Variants in SECISBP2 observed in about 807,000 individuals in gnomAD.
SECISBP2 encodes the protein SECIS binding protein 2.
SECISBP2 carries 96 observed loss-of-function variants against 98.2 expected under a neutral mutation model. The observed-to-expected ratio is 0.98, with a 90% CI of 0.83 to 1.16. SECISBP2 has a LOEUF of 1.16. SECISBP2 is among the 50% of genes most tolerant of loss of function. The probability of loss-of-function intolerance (pLI) is 0.00; values close to 1 mark genes in which losing one functional copy is unlikely to be tolerated. For missense variants in SECISBP2, 1,046 were observed against 1,022.9 expected (o/e 1.02, Z -0.31); for synonymous variants, 407 against 370.2 (o/e 1.10, Z -1.14).
At chr9:89,366,296 T>G in the SECISBP2 span, among the ~76,000 whole-genome samples, 1 of 152,234 alleles carries the variant, frequency 6.6e-6, no homozygotes, top group African/African-American at 2.4e-5. Flanking sequence ...TGGGATTGTT[T>G]AAATTTTTTC....
intron 8 of SECISBP2, 106 bp from the exon 9 acceptor site, chr9:89,339,758 C>G (rs1367598550): frequency 3.8e-6 from 3 of 782,222 alleles, no homozygotes; most frequent in Non-Finnish European, 6.6e-6. Context: ...TTTTTTAAAT[C>G]ACTTTTAAGG....
At chr9:89,360,118 C>A (rs1832653781), downstream of SECISBP2, among the ~76,000 whole-genome samples, 1 of 152,192 alleles carries the variant, frequency 6.6e-6, no homozygotes, top group South Asian at 2.1e-4. Context: ...GTGGAGCTCA[C>A]AGTGACCAGT....
chr9:89,340,203 G>T (rs187057786), intron 9 of SECISBP2, among the ~76,000 whole-genome samples: 6 of 152,286 alleles, frequency 3.9e-5, no homozygotes, highest in African/African-American at 1.4e-4. Context: ...GGTAACTGCA[G>T]TTGCTAAGTT....
In SECISBP2 at chr9:89,349,925, A is replaced by C. The variant is rs774118082; in HGVS notation, c.1888A>C (p.Arg630=). Residue 630 remains arginine (R), a synonymous_variant, in exon 13 of 17, where the codon AGG becomes CGG. Transcript: ENST00000375807. ...CCCTAAGATCCACAGCCGCAGATTCAGGGAGTGAGTGAGCCCCTGCCTGCC... is the reference window on the plus strand; with the variant it reads ...CCCTAAGATCCACAGCCGCAGATTCCGGGAGTGAGTGAGCCCCTGCCTGCC... ...TFPKIHSRRF[R]DYCSQMLSKE... 2 of 1,614,096 alleles carry C rather than the reference A, an allele frequency of 1.2e-6. No individual in the cohort carries two copies. The highest frequency in any genetic ancestry group is 3.3e-5 in the Admixed American group (2 of 60,020).
Position 89,346,953 on chromosome 9 carries a change from A to G in SECISBP2, c.1507A>G (p.Thr503Ala). The G allele has an allele frequency of 6.2e-7, 1 of 1,614,016 alleles. No individual in the cohort carries two copies. The highest frequency in any genetic ancestry group is 8.5e-7 in the Non-Finnish European group (1 of 1,179,996). The change falls in exon 11 of 17, where the codon ACC becomes GCC. Residue 503 changes from threonine to alanine, a missense_variant. By Grantham distance (58) the Thr-to-Ala change is moderately conservative (BLOSUM62 0). Coordinates refer to ENST00000375807, the MANE Select transcript of SECISBP2 (RefSeq NM_024077.5). ...AGGCCGCCGCATGAGTCAAATGAAG[A>G]CCCCGCACAATCCCTTGGACTCCAG... ...ERGRRMSQMKTPHNPLDSSAP... is the reference protein window; with the variant it reads ...ERGRRMSQMKAPHNPLDSSAP...
In SECISBP2 at chr9:89,318,506, G is replaced by T. The variant is rs1349412024; in HGVS notation, c.-71G>T. 1.4e-6 allele frequency: 2 copies of T among 1,466,580 alleles called. No individual in the cohort carries two copies. Among genetic ancestry groups the T allele is most frequent in the Non-Finnish European group, 1.8e-6 (2 of 1,093,274 alleles). 90.8% of individuals were successfully genotyped at this position (1,466,580 alleles called of 1,614,324 possible). Reference sequence around the variant, plus strand: ...TGGCGTCGCCTGCGGGGGCGGAAACGCTTTGTCTGTCCGGCAAGCCGACGG... The same window carrying T: ...TGGCGTCGCCTGCGGGGGCGGAAACTCTTTGTCTGTCCGGCAAGCCGACGG... On this transcript the variant is annotated 5_prime_UTR_variant, in exon 1 of 17. Coordinates refer to ENST00000375807, the MANE Select transcript of SECISBP2 (RefSeq NM_024077.5).
At chr9:89,352,767 A>T in intron 14 of SECISBP2, among the ~76,000 whole-genome samples, 1 of 149,850 alleles carries the variant, frequency 6.7e-6, no homozygotes, top group Non-Finnish European at 1.5e-5. Context: ...TATCTTGTAA[A>T]ATTTCTGTAT....
chr9:89,338,577 T>C lies in SECISBP2; in HGVS notation c.1209T>C (p.Ile403=). ...EVLTVQEPPR[I]EDAEEFPNLA... ...TGACAGTTCAAGAGCCTCCAAGGAT[T>C]GAAGTACATTTATATTTTTTATTCA... Residue 403 remains isoleucine (I), a synonymous_variant, in exon 8 of 17, where the codon ATT becomes ATC. Coordinates refer to ENST00000375807, the MANE Select transcript of SECISBP2 (RefSeq NM_024077.5). The C allele has an allele frequency of 1.2e-6, 2 of 1,611,706 alleles. No individual in the cohort carries two copies. Among genetic ancestry groups the C allele is most frequent in the South Asian group, 2.2e-5 (2 of 90,530 alleles).
At chr9:89,334,249 A>G (rs1828250023) in intron 6 of SECISBP2, 1 of 1,153,682 alleles carries the variant, frequency 8.7e-7, no homozygotes, top group Non-Finnish European at 1.1e-6. Context: ...AACTAAAACT[A>G]CTGTTTGTCT....
chr9:89,318,733 C>A (rs1825139205), intron 1 of SECISBP2, 121 bp downstream of exon 1: 4 of 1,235,236 alleles, frequency 3.2e-6, no homozygotes, highest in Non-Finnish European at 4.2e-6. Flanking sequence ...GGTGACGGCA[C>A]GGGAGCGCCC....
chr9:89,318,985 G>T, intron 1 of SECISBP2: 3 of 1,071,818 alleles, frequency 2.8e-6, no homozygotes, highest in Non-Finnish European at 3.4e-6. Context: ...GTCATTCTCC[G>T]CTCTACGTAC....
intron 9 of SECISBP2, 59 bp downstream of exon 9, chr9:89,340,012 A>G (rs1031353941): frequency 8.0e-7 from 1 of 1,250,360 alleles, no homozygotes; most frequent in Non-Finnish European, 1.2e-6. Context: ...GCTCAACTAA[A>G]TGCTTGAGAA....
chr9:89,336,078 G>A (rs1239950552), intron 7 of SECISBP2, among the ~76,000 whole-genome samples: 4 of 65,796 alleles, frequency 6.1e-5, no homozygotes, highest in South Asian at 9.7e-4. Context: ...GTAATTTTAA[G>A]TGCTTTTTTT....
downstream of SECISBP2, chr9:89,364,067 A>T: frequency 1.3e-6 from 2 of 1,590,476 alleles, no homozygotes; most frequent in South Asian, 2.3e-5. Flanking sequence ...GTGACTTGGG[A>T]CAACTTCCAA....
intron 14 of SECISBP2, chr9:89,355,124 G>T (rs984432062): frequency 1.0e-6 from 1 of 985,344 alleles, no homozygotes; most frequent in African/African-American, 1.7e-5. Flanking sequence ...TGCAGAATGA[G>T]TTCCCAGTTT....
chr9:89,357,432 A>T lies in SECISBP2; in HGVS notation c.2135A>T (p.His712Leu), dbSNP rs1475255470. The T allele has an allele frequency of 6.2e-7, 1 of 1,614,182 alleles. No individual in the cohort carries two copies. ...QSKGGLDDTL[H>L]TIIDYACEQN... ...CCAGGTGGGCTGGATGACACTTTGC[A>T]CACAATTATTGATTATGCCTGTGAG... The change falls in exon 15 of 17, where the codon CAC becomes CTC. Residue 712 changes from histidine (H) to leucine (L), a missense_variant. Coordinates refer to ENST00000375807, the MANE Select transcript of SECISBP2 (RefSeq NM_024077.5).
At chr9:89,320,083 G>A (rs1413655386) in intron 2 of SECISBP2, among the ~76,000 whole-genome samples, 1 of 152,086 alleles carries the variant, frequency 6.6e-6, no homozygotes, top group East Asian at 1.9e-4. Flanking sequence ...CAGGCCAGGC[G>A]CTGTGGCTCA....
chr9:89,325,643 C>T lies in SECISBP2; in HGVS notation c.399C>T (p.Cys133=). Residue 133 remains cysteine (C), a synonymous_variant, in exon 3 of 17, where the codon TGC becomes TGT. Coordinates refer to ENST00000375807, the MANE Select transcript of SECISBP2 (RefSeq NM_024077.5). ...QTVKHRNENT[C]PLPQEMKALF... is the part of the protein sequence containing the mutation. ...TGAAGCATCGAAATGAGAACACATG[C>T]CCTCTCCCACAAGAAATGAAAGCTC... 1 of 1,614,134 alleles carries T rather than the reference C, an allele frequency of 6.2e-7. No individual in the cohort carries two copies. The highest frequency in any genetic ancestry group is 8.5e-7 in the Non-Finnish European group (1 of 1,180,018).
chr9:89,346,126 A>G (rs1471970881), intron 10 of SECISBP2, among the ~76,000 whole-genome samples: 2 of 152,004 alleles, frequency 1.3e-5, no homozygotes, highest in African/African-American at 2.4e-5. Flanking sequence ...CGATGGACAC[A>G]GGGGGTTTGT....
Sources: allele counts gnomAD v4.1 joint callset (sites outside exome capture counted in the v4.1 genomes callset), GRCh38; gene constraint gnomAD v4.1.1; transcripts MANE v1.5; gene names NCBI Gene and HGNC (gene_info 2026-07-23, HGNC 2026-07-21).